The following DYNC1I2 variants were observed in gnomAD, a reference collection of about 807,000 sequenced individuals.
DYNC1I2 encodes dynein cytoplasmic 1 intermediate chain 2, also known as cytoplasmic dynein 1 intermediate chain 2.
A neutral mutation model predicts 88.6 loss-of-function variants in DYNC1I2; 53 were observed. The ratio of observed to expected loss-of-function variants is 0.60; its 90% CI spans 0.48 to 0.75. The LOEUF (loss-of-function observed/expected upper bound fraction) is 0.75. Ranked by LOEUF, DYNC1I2 falls within the 30% of genes least tolerant of loss-of-function variation. The pLI is 0.00. For missense variants in DYNC1I2, 458 were observed against 766.6 expected (o/e 0.60, Z 4.75); for synonymous variants, 198 against 254.6 (o/e 0.78, Z 2.12).
At chr2:171,702,730 G>GTT (rs879462191) in intron 3 of DYNC1I2, among the ~76,000 whole-genome samples, 3 of 144,790 alleles carry the variant, frequency 2.1e-5, no homozygotes, top group African/African-American at 2.5e-5. Context: ...TTTGCTGGTA[G>GTT]TTTTTTTTTT....
intron 5 of DYNC1I2, among the ~76,000 whole-genome samples, chr2:171,710,905 C>T (rs1174727528): frequency 1.3e-5 from 2 of 150,854 alleles, no homozygotes; most frequent in South Asian, 4.2e-4. Context: ...TTCTAGGGTA[C>T]ATGTGCACAA....
In DYNC1I2 at chr2:171,749,404, A is replaced by G. The variant is rs1689977042; in HGVS notation, c.*1515A>G. On this transcript the variant is annotated 3_prime_UTR_variant, in exon 18 of 18. Coordinates refer to ENST00000397119, the MANE Select transcript of DYNC1I2 (RefSeq NM_001378.3). Reference sequence around the variant, plus strand: ...CAGTTTCATAAATTAATACCCCATAATTGCCCATTATATACCAAAGACAAT... The same window carrying G: ...CAGTTTCATAAATTAATACCCCATAGTTGCCCATTATATACCAAAGACAAT... 1.3e-5 allele frequency among the ~76,000 whole-genome samples: 2 copies of G among 152,124 alleles called. No homozygotes were observed. Among genetic ancestry groups the G allele is most frequent in the Non-Finnish European group, 2.9e-5 (2 of 67,978 alleles).
intron 14 of DYNC1I2, 32 bp from the exon 15 acceptor site, chr2:171,729,677 C>T (rs1317730442): frequency 6.2e-7 from 1 of 1,610,814 alleles, no homozygotes; most frequent in Admixed American, 1.7e-5. Flanking sequence ...TTATAGGAGA[C>T]TTCTCTAACA....
chr2:171,726,934 C>T lies in DYNC1I2; in HGVS notation c.996+18C>T. On this transcript the variant is annotated intron_variant, in intron 11 of 17. Coordinates refer to ENST00000397119, the MANE Select transcript of DYNC1I2 (RefSeq NM_001378.3). ...ACTGCCAGGTATGGTGGTCTTTTAA[C>T]AGTCTTCGCCTCAAGTTTAAGAATT... 6.4e-7 allele frequency: 1 copy of T among 1,556,114 alleles called. No individual in the cohort carries two copies. The highest frequency in any genetic ancestry group is 8.7e-7 in the Non-Finnish European group (1 of 1,153,846).
chr2:171,697,423 C>G (rs956525479), intron 3 of DYNC1I2, among the ~76,000 whole-genome samples: 1 of 152,170 alleles, frequency 6.6e-6, no homozygotes, highest in Admixed American at 6.5e-5. Flanking sequence ...TAGACTGTCT[C>G]CCCTCCTGGG....
intron 7 of DYNC1I2, among the ~76,000 whole-genome samples, chr2:171,724,449 G>A (rs968263515): frequency 2.0e-5 from 3 of 152,166 alleles, no homozygotes; most frequent in Non-Finnish European, 4.4e-5. Context: ...GCGGAAGAAT[G>A]TTATGCCATC....
At chr2:171,690,399 C>T in intron 2 of DYNC1I2, 136 bp downstream of exon 2, 1 of 596,270 alleles carries the variant, frequency 1.7e-6, no homozygotes, top group Non-Finnish European at 2.9e-6. Context: ...ATTGCTTTTG[C>T]ACAAACCTAA....
At chr2:171,694,689 T>C (rs1479321385) in intron 3 of DYNC1I2, among the ~76,000 whole-genome samples, 1 of 152,076 alleles carries the variant, frequency 6.6e-6, no homozygotes, top group Non-Finnish European at 1.5e-5. Flanking sequence ...AATTGGCTCA[T>C]GGCTCTGCAA....
intron 7 of DYNC1I2, among the ~76,000 whole-genome samples, chr2:171,719,331 A>G (rs1435038428): frequency 2.6e-5 from 4 of 152,178 alleles, no homozygotes; most frequent in Non-Finnish European, 5.9e-5. Flanking sequence ...TCTTACATTA[A>G]GTTTCTTTTC....
chr2:171,693,037 T>G, intron 3 of DYNC1I2, 143 bp downstream of exon 3: 1 of 690,308 alleles, frequency 1.4e-6, no homozygotes, highest in Non-Finnish European at 2.5e-6. Flanking sequence ...GAATTGTCTT[T>G]TTTTCAGATA....
intron 3 of DYNC1I2, among the ~76,000 whole-genome samples, chr2:171,695,365 C>T (rs1685690936): frequency 6.6e-6 from 1 of 152,118 alleles, no homozygotes; most frequent in African/African-American, 2.4e-5. Flanking sequence ...TCCCAAAGTG[C>T]TTGGATTACA....
intron 17 of DYNC1I2, among the ~76,000 whole-genome samples, chr2:171,746,580 A>C (rs1350533185): frequency 6.6e-6 from 1 of 152,076 alleles, no homozygotes; most frequent in Non-Finnish European, 1.5e-5. Flanking sequence ...TAGCAATTGG[A>C]TCTGGTGGGA....
At chr2:171,693,080 G>A in intron 3 of DYNC1I2, 186 bp downstream of exon 3, 2 of 554,024 alleles carry the variant, frequency 3.6e-6, no homozygotes, top group Non-Finnish European at 6.6e-6. Context: ...TTGTTCAAAA[G>A]AGCTGCAAGA....
At chr2:171,694,042 C>CTT (rs956017843) in intron 3 of DYNC1I2, among the ~76,000 whole-genome samples, 1 of 141,128 alleles carries the variant, frequency 7.1e-6, no homozygotes, top group East Asian at 2.0e-4. Context: ...TTTCTTTCTT[C>CTT]TTTTTTTTTT....
intron 15 of DYNC1I2, among the ~76,000 whole-genome samples, chr2:171,733,836 A>G (rs140156431): frequency 8.5e-4 from 129 of 151,790 alleles, no homozygotes; most frequent in Middle Eastern, 3.4e-3. Flanking sequence ...TTTTGTTGCA[A>G]TTGCTTTGGG....
chr2:171,690,050 A>G (rs1685275534), intron 1 of DYNC1I2, 97 bp from the exon 2 acceptor site: 4 of 674,052 alleles, frequency 5.9e-6, no homozygotes, highest in Non-Finnish European at 9.5e-6. Context: ...TTGAGATAGC[A>G]TTGAACTATA....
chr2:171,696,532 A>G (rs1292581409), intron 3 of DYNC1I2, among the ~76,000 whole-genome samples: 2 of 152,136 alleles, frequency 1.3e-5, no homozygotes, highest in South Asian at 4.2e-4. Flanking sequence ...GTGGATGCAA[A>G]TATATTCTTC....
intron 6 of DYNC1I2, 47 bp downstream of exon 6, chr2:171,712,873 T>G: frequency 6.6e-7 from 1 of 1,508,200 alleles, no homozygotes; most frequent in Non-Finnish European, 9.2e-7. Context: ...TGAATTTGAT[T>G]CTTTGTGAAA....
chr2:171,747,463 AG>A (rs1421026497), intron 17 of DYNC1I2, among the ~76,000 whole-genome samples: 1 of 152,088 alleles, frequency 6.6e-6, no homozygotes, highest in Admixed American at 6.5e-5. Flanking sequence ...AAAAATTTTA[AG>A]GAATTCCTCT....
Sources: gnomAD v4.1 joint callset for allele counts (sites outside exome capture counted in the v4.1 genomes callset) on GRCh38, gnomAD v4.1.1 for gene constraint, MANE v1.5 for transcripts, NCBI Gene and HGNC (gene_info 2026-07-23, HGNC 2026-07-21) for gene names.